The following COL22A1 variants were observed in gnomAD, a reference collection of about 807,000 sequenced individuals.
COL22A1 encodes the protein collagen type XXII alpha 1 chain.
A neutral mutation model predicts 248.9 loss-of-function variants in COL22A1; 221 were observed. That is an observed-to-expected ratio of 0.89 (90% CI 0.80 to 0.99). The LOEUF (loss-of-function observed/expected upper bound fraction) is 0.99, where lower values mean the gene tolerates loss of function less well. Among genes scored for constraint, COL22A1 ranks in the 50% least tolerant of loss-of-function variants. The pLI, the probability that COL22A1 is intolerant of heterozygous loss-of-function variation, is 0.00. For synonymous variants in COL22A1, 891 were observed against 793.4 expected (o/e 1.12, Z -2.07); for missense variants, 2,240 against 2,179.0 (o/e 1.03, Z -0.56).
intron 1 of COL22A1, among the ~76,000 whole-genome samples, chr8:138,903,660 G>C (rs1316665928): frequency 6.6e-6 from 1 of 152,144 alleles, no homozygotes; most frequent in African/African-American, 2.4e-5. Flanking sequence ...CTCCTTCAGA[G>C]AGCAGAGCCA....
chr8:138,715,116 T>C (rs191223209), intron 30 of COL22A1, among the ~76,000 whole-genome samples: 23 of 152,290 alleles, frequency 1.5e-4, no homozygotes, highest in African/African-American at 5.1e-4. Context: ...GGATGGATAG[T>C]GAGATGAAGG....
intron 11 of COL22A1, 120 bp from the exon 12 acceptor site, chr8:138,796,977 G>T (rs879014635): frequency 6.4e-4 from 476 of 739,102 alleles, no homozygotes; most frequent in Non-Finnish European, 1.4e-4. Context: ...GCTCTGCCCA[G>T]TAGCCACTAA....
chr8:138,798,281 A>T (rs1816718873), intron 11 of COL22A1, among the ~76,000 whole-genome samples: 2 of 151,696 alleles, frequency 1.3e-5, no homozygotes, highest in African/African-American at 4.8e-5. Flanking sequence ...ATTATTATAT[A>T]ATTAGATTTA....
chr8:138,860,479 T>C (rs960482976), intron 3 of COL22A1, among the ~76,000 whole-genome samples: 3 of 152,196 alleles, frequency 2.0e-5, no homozygotes, highest in Non-Finnish European at 4.4e-5. Flanking sequence ...AAATTTTCTA[T>C]ATGTGTGACC....
chr8:138,750,156 AC>A, intron 22 of COL22A1, among the ~76,000 whole-genome samples: 1 of 151,856 alleles, frequency 6.6e-6, no homozygotes, highest in East Asian at 1.9e-4. Context: ...TGATTGTGGG[AC>A]CTCCGCAGCC....
intron 47 of COL22A1, 86 bp downstream of exon 47, chr8:138,646,543 A>C (rs528324145): frequency 3.8e-6 from 4 of 1,062,396 alleles, no homozygotes; most frequent in Non-Finnish European, 5.3e-6. Flanking sequence ...ACTCCTTTAC[A>C]CTGGCCATCA....
chr8:138,626,117 A>C, intron 51 of COL22A1, 73 bp downstream of exon 51: 1 of 1,225,138 alleles, frequency 8.2e-7, no homozygotes, highest in Non-Finnish European at 1.2e-6. Context: ...AGTGGAATAT[A>C]TTTTTGTTTC....
intron 22 of COL22A1, among the ~76,000 whole-genome samples, chr8:138,749,779 C>G (rs1832435803): frequency 6.6e-6 from 1 of 152,216 alleles, no homozygotes; most frequent in Non-Finnish European, 1.5e-5. Flanking sequence ...TCCTTCCACT[C>G]TATGGAGGAG....
chr8:138,662,070 A>G lies in COL22A1; in HGVS notation c.3200T>C (p.Leu1067Ser). ...GDKGSPGSRG[L>S]PGFPGPQGPA... ...GCCCTGGGGGCCAGGGAATCCAGGT[A>G]AGCCTCGTGATCCCTGAAGAAAAAG... is the stretch of plus-strand genomic sequence containing the variant. Residue 1067 changes from leucine (L) to serine (S), a missense_variant, in exon 43 of 65, where the codon TTA becomes TCA. Transcript: ENST00000303045. 6.2e-7 allele frequency: 1 copy of G among 1,612,496 alleles called. No homozygotes were observed. Among genetic ancestry groups the G allele is most frequent in the Non-Finnish European group, 8.5e-7 (1 of 1,179,246 alleles).
intron 23 of COL22A1, among the ~76,000 whole-genome samples, chr8:138,726,869 G>A (rs1171038233): frequency 6.6e-6 from 1 of 152,172 alleles, no homozygotes; most frequent in African/African-American, 2.4e-5. Context: ...TGAAGGTCTT[G>A]GAAGTAACTG....
intron 37 of COL22A1, among the ~76,000 whole-genome samples, chr8:138,687,604 G>A (rs1048856946): frequency 1.3e-5 from 2 of 152,194 alleles, no homozygotes; most frequent in African/African-American, 4.8e-5. Flanking sequence ...TGCTCACGCA[G>A]GGAGGGCAGG....
chr8:138,739,741 G>C (rs1233982231), intron 22 of COL22A1, among the ~76,000 whole-genome samples: 1 of 152,206 alleles, frequency 6.6e-6, no homozygotes, highest in Non-Finnish European at 1.5e-5. Context: ...GAGGATAGCA[G>C]TGAAAAGTTA....
At chr8:138,810,294 C>A (rs1818101692) in intron 9 of COL22A1, among the ~76,000 whole-genome samples, 1 of 152,234 alleles carries the variant, frequency 6.6e-6, no homozygotes, top group African/African-American at 2.4e-5. Context: ...CATCTGTGTG[C>A]ACACTGGCTT....
intron 3 of COL22A1, 48 bp downstream of exon 3, chr8:138,877,701 AG>A: frequency 6.6e-7 from 1 of 1,504,280 alleles, no homozygotes; most frequent in Non-Finnish European, 8.9e-7. Flanking sequence ...TGGGCTCAGC[AG>A]GGGGCGTCAC....
At chr8:138,686,835 A>G (rs1349037703) in intron 37 of COL22A1, among the ~76,000 whole-genome samples, 1 of 152,256 alleles carries the variant, frequency 6.6e-6, no homozygotes, top group Non-Finnish European at 1.5e-5. Flanking sequence ...ATAATTAAGG[A>G]ATACCAGATG....
chr8:138,762,231 G>A (rs1833545796), intron 17 of COL22A1, among the ~76,000 whole-genome samples, 182 bp downstream of exon 17: 1 of 152,108 alleles, frequency 6.6e-6, no homozygotes, highest in African/African-American at 2.4e-5. Flanking sequence ...TCCAGCTCTG[G>A]GGTTCGCAGA....
At chr8:138,643,166 C>T (rs944177748) in intron 47 of COL22A1, among the ~76,000 whole-genome samples, 1 of 151,926 alleles carries the variant, frequency 6.6e-6, no homozygotes, top group Non-Finnish European at 1.5e-5. Context: ...CTGGTGATCC[C>T]AGAAAGAGAA....
At chr8:138,640,310 T>C (rs909867766) in intron 47 of COL22A1, among the ~76,000 whole-genome samples, 8 of 152,166 alleles carry the variant, frequency 5.3e-5, no homozygotes, top group African/African-American at 1.9e-4. Flanking sequence ...CAGGAATTGC[T>C]CTAAGAGTGC....
intron 49 of COL22A1, among the ~76,000 whole-genome samples, chr8:138,634,005 T>C (rs1040459070): frequency 1.3e-5 from 2 of 152,198 alleles, no homozygotes; most frequent in Admixed American, 6.5e-5. Context: ...GGAAACTGAA[T>C]AGTGCTTTTG....
Sources: gnomAD v4.1 joint callset for allele counts (sites outside exome capture counted in the v4.1 genomes callset) on GRCh38, gnomAD v4.1.1 for gene constraint, MANE v1.5 for transcripts, NCBI Gene and HGNC (gene_info 2026-07-23, HGNC 2026-07-21) for gene names.